The following CLSTN1 variants were observed in gnomAD, a reference collection of about 807,000 sequenced individuals.
CLSTN1 encodes calsyntenin 1.
A neutral mutation model predicts 108.3 loss-of-function variants in CLSTN1; 28 were observed. The observed-to-expected ratio is 0.26, with a 90% CI of 0.19 to 0.35. The LOEUF (loss-of-function observed/expected upper bound fraction) is 0.35. CLSTN1 is among the 10% of genes least tolerant of loss of function. The pLI, the probability that CLSTN1 is intolerant of heterozygous loss-of-function variation, is 1.00. For synonymous variants in CLSTN1, 524 were observed against 534.9 expected (o/e 0.98, Z 0.28); for missense variants, 1,157 against 1,302.6 (o/e 0.89, Z 1.72).
At chr1:9,817,057 G>C (rs1222335176) in intron 1 of CLSTN1, among the ~76,000 whole-genome samples, 1 of 152,182 alleles carries the variant, frequency 6.6e-6, no homozygotes, top group East Asian at 1.9e-4. Context: ...CAGACAGAAC[G>C]AAACAGATGG....
intron 1 of CLSTN1, among the ~76,000 whole-genome samples, chr1:9,786,440 G>A (rs1028963802): frequency 1.4e-4 from 21 of 151,972 alleles, no homozygotes; most frequent in Admixed American, 1.3e-4. Context: ...TCAGGAGTTC[G>A]AAACCAGCCT....
chr1:9,784,979 G>A (rs1222211756), intron 1 of CLSTN1, among the ~76,000 whole-genome samples: 3 of 149,624 alleles, frequency 2.0e-5, no homozygotes, highest in Non-Finnish European at 4.4e-5. Flanking sequence ...TCTAAGTATT[G>A]TCCCTAGTCA....
intron 1 of CLSTN1, among the ~76,000 whole-genome samples, chr1:9,775,563 GTA>G (rs1652900949): frequency 1.3e-5 from 2 of 152,090 alleles, no homozygotes; most frequent in East Asian, 3.9e-4. Flanking sequence ...TGAGCCAGCA[GTA>G]TCTCCACACG....
rs1186890985 is a variant in CLSTN1, at chr1:9,806,231, A to AG, written c.91+17411dup. Among the ~76,000 whole-genome samples the AG allele has an allele frequency of 8.5e-5, 10 of 117,616 alleles. No individual in the cohort carries two copies. The East Asian group carries it at 1.2e-3, about 15-fold the overall frequency. The allele number at this position is 117,616 out of a possible 152,430, so 77.2% of individuals were successfully genotyped here. A position where few individuals can be genotyped will look rare whatever the true frequency, so the allele number is the denominator to read the frequency against. ...TTTGAACCCAGGGCAGGGGGGGTGG[A>AG]GGGGGGGAGGTTGCAGTGAGCTGAG... On this transcript the variant is annotated intron_variant, in intron 1 of 18. Transcript: ENST00000377298.
intron 1 of CLSTN1, among the ~76,000 whole-genome samples, chr1:9,790,180 A>C (rs1653697045): frequency 6.6e-6 from 1 of 151,362 alleles, no homozygotes; most frequent in Non-Finnish European, 1.5e-5. Context: ...ATGAAAGAAA[A>C]ATGAAAGCAC....
At chr1:9,786,210 T>C (rs1653479624) in intron 1 of CLSTN1, among the ~76,000 whole-genome samples, 1 of 151,922 alleles carries the variant, frequency 6.6e-6, no homozygotes, top group African/African-American at 2.4e-5. Flanking sequence ...AACACACACA[T>C]TAAGTGTCAA....
intron 1 of CLSTN1, among the ~76,000 whole-genome samples, chr1:9,819,515 G>C (rs370722202): frequency 1.3e-4 from 20 of 151,998 alleles, no homozygotes; most frequent in African/African-American, 4.6e-4. Context: ...TATTATTTGC[G>C]TTTTTGGCTT....
intron 1 of CLSTN1, among the ~76,000 whole-genome samples, chr1:9,808,864 C>T (rs1457371987): frequency 1.3e-5 from 2 of 151,750 alleles, no homozygotes; most frequent in Non-Finnish European, 2.9e-5. Context: ...AGAGTACAGC[C>T]GGGACTGCTC....
intron 1 of CLSTN1, among the ~76,000 whole-genome samples, chr1:9,774,928 G>A (rs1312918602): frequency 2.6e-5 from 4 of 152,100 alleles, no homozygotes. Context: ...CGGAAACTGA[G>A]GACTCCTCCC....
At chr1:9,778,900 G>GT (rs1279917560) in intron 1 of CLSTN1, among the ~76,000 whole-genome samples, 1 of 152,010 alleles carries the variant, frequency 6.6e-6, no homozygotes, top group Non-Finnish European at 1.5e-5. Context: ...GCAGGCAACT[G>GT]TAATACCAGC....
At chr1:9,785,590 C>A (rs927952342) in intron 1 of CLSTN1, among the ~76,000 whole-genome samples, 17 of 152,086 alleles carry the variant, frequency 1.1e-4, no homozygotes, top group Non-Finnish European at 2.2e-4. Flanking sequence ...TGGATGTCCG[C>A]GGCCTCCCCA....
chr1:9,819,614 A>G (rs1048694108), intron 1 of CLSTN1, among the ~76,000 whole-genome samples: 1 of 152,186 alleles, frequency 6.6e-6, no homozygotes, highest in African/African-American at 2.4e-5. Flanking sequence ...GCTTGGTTTC[A>G]TGCTTTTTCT....
In CLSTN1 at chr1:9,749,899, T is replaced by C. The variant is rs1651472245; in HGVS notation, c.664A>G (p.Thr222Ala). Residue 222 changes from threonine to alanine, a missense_variant, in exon 6 of 19, where the codon ACA becomes GCA. By Grantham distance (58) the Thr-to-Ala change is moderately conservative. Transcript: ENST00000377298. Reference protein sequence around the residue: ...TVDKDGYIKNTEKLNYGKEHQ... With the variant: ...TVDKDGYIKNAEKLNYGKEHQ... ...TCTTTCCCGTAGTTTAATTTCTCTGTGTTTTTTATATAACCTTACAGAGGG... is the reference window on the plus strand; with the variant it reads ...TCTTTCCCGTAGTTTAATTTCTCTGCGTTTTTTATATAACCTTACAGAGGG... The C allele has an allele frequency of 1.2e-6, 2 of 1,613,856 alleles. No homozygotes were observed. The highest frequency in any genetic ancestry group is 1.7e-6 in the Non-Finnish European group (2 of 1,179,946).
chr1:9,738,516 C>A (rs1557692047), intron 10 of CLSTN1, among the ~76,000 whole-genome samples: 1 of 152,218 alleles, frequency 6.6e-6, no homozygotes, highest in Non-Finnish European at 1.5e-5. Flanking sequence ...CCACAACACG[C>A]TGGTAGAAGG....
At chr1:9,791,501 T>C (rs1653768671) in intron 1 of CLSTN1, among the ~76,000 whole-genome samples, 2 of 151,508 alleles carry the variant, frequency 1.3e-5, no homozygotes, top group South Asian at 4.3e-4. Flanking sequence ...CCCAAAGAGC[T>C]GGGATTACAG....
intron 7 of CLSTN1, among the ~76,000 whole-genome samples, chr1:9,746,905 C>T (rs961599161): frequency 3.9e-5 from 6 of 152,102 alleles, no homozygotes; most frequent in South Asian, 2.1e-4. Flanking sequence ...TAAGGCCAGG[C>T]GCAGTGGCTC....
chr1:9,790,129 T>C (rs975573304), intron 1 of CLSTN1, among the ~76,000 whole-genome samples: 2 of 151,498 alleles, frequency 1.3e-5, no homozygotes, highest in Non-Finnish European at 2.9e-5. Flanking sequence ...CTTTTCTCGC[T>C]CTGTAGGGTA....
chr1:9,735,556 C>G lies in CLSTN1; in HGVS notation c.1794G>C (p.Leu598Phe), dbSNP rs1650638978. ...LTLEGEDLGE[L>F]DKAMQHISYL... is the part of the protein sequence containing the mutation. ...ACGAGATGTGCTGCATGGCCTTATC[C>G]AATTCCCCGAGGTCTTCTCCCTCCA... Residue 598 changes from leucine to phenylalanine, a missense_variant, in exon 13 of 19, where the codon TTG becomes TTC. Leu to Phe is a conservative substitution (Grantham distance 22, BLOSUM62 0). Coordinates refer to ENST00000377298, the MANE Select transcript of CLSTN1 (RefSeq NM_001009566.3). The G allele has an allele frequency of 6.2e-7, 1 of 1,614,034 alleles. No individual in the cohort carries two copies. Among genetic ancestry groups the G allele is most frequent in the African/African-American group, 1.3e-5 (1 of 74,904 alleles).
At chr1:9,768,107 G>C (rs777966501) in intron 2 of CLSTN1, among the ~76,000 whole-genome samples, 1 of 152,134 alleles carries the variant, frequency 6.6e-6, no homozygotes, top group Non-Finnish European at 1.5e-5. Flanking sequence ...GCAGAGCTAC[G>C]ATTCACTCAC....
Sources: allele counts gnomAD v4.1 joint callset (sites outside exome capture counted in the v4.1 genomes callset), GRCh38; gene constraint gnomAD v4.1.1; transcripts MANE v1.5; gene names NCBI Gene and HGNC (gene_info 2026-07-23, HGNC 2026-07-21).